Variants in CDH2 observed in about 807,000 individuals in gnomAD.
CDH2 encodes the protein cadherin 2, also known as cadherin-2.
Under a neutral mutation model 92.0 loss-of-function variants are expected in CDH2, and 17 were observed. The ratio of observed to expected loss-of-function variants is 0.18; its 90% CI spans 0.13 to 0.28. The LOEUF is 0.28. Ranked by LOEUF, CDH2 falls within the 10% of genes least tolerant of loss-of-function variation. CDH2 has a pLI of 1.00. For missense variants in CDH2, 862 were observed against 1,133.1 expected (o/e 0.76, Z 3.44); for synonymous variants, 419 against 415.9 (o/e 1.01, Z -0.09).
chr18:28,176,202 G>C (rs1339503895), intron 1 of CDH2, among the ~76,000 whole-genome samples: 2 of 152,178 alleles, frequency 1.3e-5, no homozygotes, highest in Non-Finnish European at 2.9e-5. Flanking sequence ...CGCCCCCGGG[G>C]CGCATATAGG....
At position 28,055,976 on chromosome 18, in the gene CDH2, G is replaced by C. The variant is rs184872292; in HGVS notation, c.173-42067C>G. Among the ~76,000 whole-genome samples the C allele has an allele frequency of 1.3e-5, 2 of 152,146 alleles. 1 individual carries two copies. Among genetic ancestry groups the C allele is most frequent in the Admixed American group, 1.3e-4 (2 of 15,280 alleles). ...ATTACTAAGAGTTAAATATTCTAAT[G>C]ACTATATGGTAACTGAAACTGGAAA... is the stretch of plus-strand genomic sequence containing the variant. On this transcript the variant is annotated intron_variant, in intron 2 of 15. Transcript: ENST00000269141.
At chr18:28,106,714 T>C (rs777435308) in intron 2 of CDH2, among the ~76,000 whole-genome samples, 10 of 152,176 alleles carry the variant, frequency 6.6e-5, no homozygotes, top group Non-Finnish European at 1.0e-4. Context: ...TTTTACTATA[T>C]GATGGTAAAT....
intron 2 of CDH2, among the ~76,000 whole-genome samples, chr18:28,062,542 T>C (rs1342959480): frequency 6.6e-6 from 1 of 152,178 alleles, no homozygotes; most frequent in East Asian, 1.9e-4. Context: ...AGTCAAGTAA[T>C]CCATGCTGTG....
chr18:28,133,181 A>T (rs1037109785), intron 2 of CDH2, among the ~76,000 whole-genome samples: 4 of 152,196 alleles, frequency 2.6e-5, no homozygotes, highest in Non-Finnish European at 5.9e-5. Context: ...CCATTTGCTA[A>T]TGATATGCTT....
intron 1 of CDH2, among the ~76,000 whole-genome samples, chr18:28,171,161 C>T (rs756202472): frequency 2.0e-4 from 30 of 148,384 alleles, no homozygotes; most frequent in Non-Finnish European, 3.4e-4. Context: ...GCCCGGGAGA[C>T]GGAGGATGTA....
intron 2 of CDH2, among the ~76,000 whole-genome samples, chr18:28,082,058 T>C (rs1370480924): frequency 6.6e-6 from 1 of 152,122 alleles, no homozygotes; most frequent in Non-Finnish European, 1.5e-5. Flanking sequence ...GAGAATCTTT[T>C]TGTGAAAAAA....
intron 5 of CDH2, 124 bp downstream of exon 5, chr18:28,009,593 C>T: frequency 1.4e-6 from 1 of 702,786 alleles, no homozygotes; most frequent in South Asian, 3.4e-5. Context: ...AACCAAAAGA[C>T]TACAGATACA....
intron 2 of CDH2, among the ~76,000 whole-genome samples, chr18:28,089,484 T>C (rs2014997661): frequency 6.6e-6 from 1 of 152,178 alleles, no homozygotes; most frequent in Admixed American, 6.6e-5. Flanking sequence ...TATGCCTTAC[T>C]ATACATACGG....
chr18:28,033,873 A>G (rs1422856519), intron 2 of CDH2, among the ~76,000 whole-genome samples: 2 of 152,078 alleles, frequency 1.3e-5, no homozygotes, highest in Non-Finnish European at 2.9e-5. Flanking sequence ...TGAATTATTA[A>G]TAAATGCTAA....
chr18:27,985,562 A>G lies in CDH2; in HGVS notation c.1941T>C (p.Thr647=). The G allele has an allele frequency of 6.2e-7, 1 of 1,613,076 alleles. No homozygotes were observed. Among genetic ancestry groups the G allele is most frequent in the South Asian group, 1.1e-5 (1 of 91,060 alleles). ...FAFDLPLSPV[T]IKRNWTITRL... is the part of the protein sequence containing the mutation. ...GAGTGATGGTCCAATTTCTCTTAATAGTCACTGGAGATAAAGGAAGATCAA... is the reference window on the plus strand; with the variant it reads ...GAGTGATGGTCCAATTTCTCTTAATGGTCACTGGAGATAAAGGAAGATCAA... Residue 647 remains threonine, a synonymous_variant, in exon 12 of 16, where the codon ACT becomes ACC. Transcript: ENST00000269141.
intron 6 of CDH2, among the ~76,000 whole-genome samples, chr18:27,943,194 T>C (rs960988237): frequency 2.6e-5 from 4 of 152,152 alleles, no homozygotes; most frequent in African/African-American, 7.2e-5. Context: ...CGTGGTACTA[T>C]GCAAAAGAGC....
chr18:28,015,253 T>C (rs1211275595), intron 2 of CDH2, among the ~76,000 whole-genome samples: 1 of 152,200 alleles, frequency 6.6e-6, no homozygotes. Context: ...AGTCATAAAA[T>C]ACTTTAACTA....
rs200230960 is a variant in CDH2, at chr18:27,993,631, G to T, written c.1027C>A (p.Gln343Lys). Residue 343 changes from glutamine (Q) to lysine (K), a missense_variant, in exon 8 of 16, where the codon CAA becomes AAA. This residue lies in a region of CDH2 where 564 missense variants were observed against 722.2 expected (regional missense o/e 0.78). Coordinates refer to ENST00000269141, the MANE Select transcript of CDH2 (RefSeq NM_001792.5). The stretch of plus-strand genomic sequence containing the variant: ...GCTTGAATTATTAACGTATACTGTT[G>T]CACTTTCTAAAAAGACATAAAGATA... ...VAAGLDREKVQQYTLIIQATD... is the reference protein window; with the variant it reads ...VAAGLDREKVKQYTLIIQATD... 138 of 1,608,224 alleles carry T rather than the reference G, an allele frequency of 8.6e-5. No homozygotes were observed. Among genetic ancestry groups the T allele is most frequent in the Non-Finnish European group, 1.1e-4 (129 of 1,176,162 alleles).
At chr18:27,988,893 ACAAG>A (rs1372313577) in intron 10 of CDH2, among the ~76,000 whole-genome samples, 37 of 152,206 alleles carry the variant, frequency 2.4e-4, no homozygotes, top group Non-Finnish European at 4.4e-5. Flanking sequence ...TGTCTGAGGG[ACAAG>A]ACTAGGTGCA....
chr18:28,107,319 C>A (rs2015338105), intron 2 of CDH2, among the ~76,000 whole-genome samples: 1 of 151,774 alleles, frequency 6.6e-6, no homozygotes, highest in Non-Finnish European at 1.5e-5. Flanking sequence ...CAAAACCTAC[C>A]AATACTGTGT....
At chr18:28,025,829 T>G (rs1303760819) in intron 2 of CDH2, among the ~76,000 whole-genome samples, 1 of 152,100 alleles carries the variant, frequency 6.6e-6, no homozygotes, top group Non-Finnish European at 1.5e-5. Context: ...TATACGATTT[T>G]GAATATTATC....
intron 6 of CDH2, among the ~76,000 whole-genome samples, chr18:27,943,288 C>T (rs895889759): frequency 1.3e-5 from 2 of 152,172 alleles, no homozygotes; most frequent in African/African-American, 4.8e-5. Flanking sequence ...TGGAGCTAGA[C>T]AGTTGGGCTT....
In CDH2 at chr18:27,969,310, G is replaced by C. The variant is rs543964526; in HGVS notation, c.2350-5789C>G. 1.7e-3 allele frequency among the ~76,000 whole-genome samples: 259 copies of C among 152,296 alleles called. 3 individuals carry two copies. The South Asian group carries it at 0.033, about 20-fold the overall frequency. ...TACATTTTAATCTTACTGGTAGCCA[G>C]TTTTCTACTTCCCACAAGGGAGAGG... On this transcript the variant is annotated intron_variant, in intron 14 of 15. Coordinates refer to ENST00000269141, the MANE Select transcript of CDH2 (RefSeq NM_001792.5).
chr18:28,011,670 G>A (rs1312116177), intron 4 of CDH2, among the ~76,000 whole-genome samples, 176 bp downstream of exon 4: 2 of 152,008 alleles, frequency 1.3e-5, no homozygotes, highest in East Asian at 1.9e-4. Context: ...AATCCAAAAG[G>A]TAACAAAGAA....
Sources: allele counts gnomAD v4.1 joint callset (sites outside exome capture counted in the v4.1 genomes callset), GRCh38; gene constraint gnomAD v4.1.1; regional missense constraint gnomAD v4.1.1; transcripts MANE v1.5; gene names NCBI Gene and HGNC (gene_info 2026-07-23, HGNC 2026-07-21).